The following ATXN1 variants were observed in gnomAD, a reference collection of about 807,000 sequenced individuals.
ATXN1 encodes the protein ataxin-1.
A neutral mutation model predicts 56.4 loss-of-function variants in ATXN1; 8 were observed. The observed-to-expected ratio is 0.14, with a 90% CI of 0.08 to 0.26. The LOEUF (loss-of-function observed/expected upper bound fraction) is 0.26, where lower values mean the gene tolerates loss of function less well. Among genes scored for constraint, ATXN1 ranks in the 10% least tolerant of loss-of-function variants. The probability of loss-of-function intolerance (pLI) is 1.00; values close to 1 mark genes in which losing one functional copy is unlikely to be tolerated. For missense variants in ATXN1, 987 were observed against 1,106.5 expected, an observed-to-expected ratio of 0.89 and a Z score of 1.53; for synonymous variants, 514 against 494.6, an observed-to-expected ratio of 1.04 and a Z score of -0.52.
chr6:16,480,483 C>T (rs531362446), intron 6 of ATXN1, among the ~76,000 whole-genome samples: 1 of 152,082 alleles, frequency 6.6e-6, no homozygotes, highest in African/African-American at 2.4e-5. Flanking sequence ...TCGTCCCTTT[C>T]GGTACACCTG....
chr6:16,332,623 C>A (rs1189402141), intron 6 of ATXN1, among the ~76,000 whole-genome samples: 3 of 152,144 alleles, frequency 2.0e-5, no homozygotes, highest in Non-Finnish European at 4.4e-5. Context: ...GCCACATATG[C>A]AGATCGCACT....
chr6:16,383,515 T>G (rs1039319476), intron 6 of ATXN1, among the ~76,000 whole-genome samples: 1 of 152,230 alleles, frequency 6.6e-6, no homozygotes, highest in Non-Finnish European at 1.5e-5. Context: ...TATACTGAAA[T>G]AATTCACCAC....
intron 2 of ATXN1, among the ~76,000 whole-genome samples, chr6:16,663,718 G>A (rs568756622): frequency 1.2e-4 from 19 of 152,086 alleles, no homozygotes; most frequent in African/African-American, 4.3e-4. Context: ...AGGCTGGAGT[G>A]TAGTGGTGTG....
intron 2 of ATXN1, among the ~76,000 whole-genome samples, chr6:16,668,776 ATTTTATTTTATT>A (rs1482865991): frequency 4.0e-5 from 6 of 151,432 alleles, no homozygotes; most frequent in Admixed American, 6.6e-5. Context: ...AGCTTTTATT[ATTTTATTTTATT>A]TTTTATTTTA....
intron 6 of ATXN1, among the ~76,000 whole-genome samples, chr6:16,458,783 C>A (rs1296229806): frequency 6.6e-6 from 1 of 152,214 alleles, no homozygotes; most frequent in Non-Finnish European, 1.5e-5. Flanking sequence ...TCCACTATGC[C>A]AAGGCAATCA....
intron 4 of ATXN1, among the ~76,000 whole-genome samples, chr6:16,555,297 G>T (rs1761991041): frequency 6.6e-6 from 1 of 152,120 alleles, no homozygotes; most frequent in South Asian, 2.1e-4. Flanking sequence ...CATGTGAGGT[G>T]CTAGATGTAC....
chr6:16,560,497 T>A (rs1052674761), intron 4 of ATXN1, among the ~76,000 whole-genome samples: 1 of 152,142 alleles, frequency 6.6e-6, no homozygotes, highest in African/African-American at 2.4e-5. Flanking sequence ...CATCAGACAT[T>A]CCTTTAATAT....
intron 4 of ATXN1, among the ~76,000 whole-genome samples, chr6:16,566,361 AAT>A: frequency 6.6e-6 from 1 of 152,062 alleles, no homozygotes; most frequent in South Asian, 2.1e-4. Context: ...AGATCCCCTT[AAT>A]TAATAATTTT....
chr6:16,513,595 C>A (rs1211091267), intron 5 of ATXN1, among the ~76,000 whole-genome samples: 1 of 152,118 alleles, frequency 6.6e-6, no homozygotes, highest in African/African-American at 2.4e-5. Flanking sequence ...ATCTAACAGG[C>A]CACGGTGATA....
intron 2 of ATXN1, among the ~76,000 whole-genome samples, chr6:16,743,689 T>C (rs939235920): frequency 1.2e-4 from 18 of 152,114 alleles, no homozygotes; most frequent in African/African-American, 4.1e-4. Context: ...GCAAATAACA[T>C]AGTCCCTAGT....
rs367590764 is a variant in ATXN1 at position 16,682,811 on chromosome 6, A to G, written c.-614-24910T>C. Among the ~76,000 whole-genome samples the G allele has an allele frequency of 2.7e-3, 406 of 152,328 alleles. 4 individuals are homozygous for G. The highest frequency in any genetic ancestry group is 9.2e-3 in the African/African-American group (384 of 41,576). On this transcript the variant is annotated intron_variant, in intron 2 of 7. Transcript: ENST00000436367. ...TAATAACATAAGCAAGAGACTTCCT[A>G]AGAGTGTTTTATAGTATTTTACATG...
intron 6 of ATXN1, among the ~76,000 whole-genome samples, chr6:16,395,605 C>T (rs1405830742): frequency 2.6e-5 from 4 of 152,110 alleles, no homozygotes; most frequent in African/African-American, 9.7e-5. Context: ...ATAGCACATG[C>T]AATTACGCAC....
intron 6 of ATXN1, among the ~76,000 whole-genome samples, chr6:16,465,351 G>T (rs894084939): frequency 1.3e-5 from 2 of 152,226 alleles, no homozygotes; most frequent in Non-Finnish European, 2.9e-5. Flanking sequence ...CAGCTACTTG[G>T]GAGGCTGAGG....
At chr6:16,753,416 T>C (rs1359600332) in intron 1 of ATXN1, 69 bp from the exon 2 acceptor site, 2 of 451,622 alleles carry the variant, frequency 4.4e-6, no homozygotes, top group Non-Finnish European at 8.9e-6. Context: ...CTTTAAAAAA[T>C]AAGTCCACCT....
chr6:16,646,905 C>T (rs969525452), intron 3 of ATXN1, among the ~76,000 whole-genome samples: 2 of 152,228 alleles, frequency 1.3e-5, no homozygotes, highest in African/African-American at 4.8e-5. Context: ...AACTGAGTAA[C>T]TAACGAAATT....
chr6:16,672,043 G>C (rs925502083), intron 2 of ATXN1, among the ~76,000 whole-genome samples: 2 of 152,144 alleles, frequency 1.3e-5, no homozygotes, highest in African/African-American at 2.4e-5. Flanking sequence ...GAGGGTGCTC[G>C]TTAAAAGTAC....
At chr6:16,641,116 GAAGAA>G (rs1763699033) in intron 3 of ATXN1, among the ~76,000 whole-genome samples, 1 of 152,204 alleles carries the variant, frequency 6.6e-6, no homozygotes, top group African/African-American at 2.4e-5. Flanking sequence ...GGAACTTGGA[GAAGAA>G]AAGTTTGAAG....
At chr6:16,365,259 C>A (rs575494911) in intron 6 of ATXN1, among the ~76,000 whole-genome samples, 6 of 152,144 alleles carry the variant, frequency 3.9e-5, no homozygotes, top group Non-Finnish European at 7.3e-5. Context: ...TTACTGCAAC[C>A]TCTGCCTCCC....
intron 2 of ATXN1, among the ~76,000 whole-genome samples, chr6:16,693,461 C>T (rs553957310): frequency 8.5e-5 from 13 of 152,228 alleles, no homozygotes; most frequent in Non-Finnish European, 1.6e-4. Context: ...TGTGAATTAT[C>T]GTCATCAACT....
Sources: allele counts gnomAD v4.1 joint callset (sites outside exome capture counted in the v4.1 genomes callset), GRCh38; gene constraint gnomAD v4.1.1; transcripts MANE v1.5; gene names NCBI Gene and HGNC (gene_info 2026-07-23, HGNC 2026-07-21).